The following ANKS1B variants were observed in gnomAD, a reference collection of about 807,000 sequenced individuals.
The protein encoded by ANKS1B is ankyrin repeat and sterile alpha motif domain containing 1B.
ANKS1B carries 36 observed loss-of-function variants against 148.3 expected under a neutral mutation model. The observed-to-expected ratio is 0.24, with a 90% confidence interval of 0.19 to 0.32. The LOEUF (loss-of-function observed/expected upper bound fraction) is 0.32, where lower values mean the gene tolerates loss of function less well. ANKS1B is among the 10% of genes least tolerant of loss of function. The probability of loss-of-function intolerance (pLI) is 1.00; values close to 1 mark genes in which losing one functional copy is unlikely to be tolerated. For missense variants in ANKS1B, 1,157 were observed against 1,542.6 expected (o/e 0.75, Z 4.19); for synonymous variants, 542 against 560.8 (o/e 0.97, Z 0.47).
intron 22 of ANKS1B, 100 bp from the exon 23 acceptor site, chr12:98,782,237 T>A: frequency 9.8e-7 from 1 of 1,016,452 alleles, no homozygotes; most frequent in Non-Finnish European, 1.5e-6. Context: ...ACCAACAGTG[T>A]AAATTCATTA....
chr12:98,779,032 C>T (rs2098708482), intron 24 of ANKS1B, among the ~76,000 whole-genome samples: 1 of 152,216 alleles, frequency 6.6e-6, no homozygotes, highest in Non-Finnish European at 1.5e-5. Context: ...GCTCCACTTG[C>T]CACCAACATA....
intron 12 of ANKS1B, among the ~76,000 whole-genome samples, chr12:99,338,668 G>A (rs933286228): frequency 6.6e-6 from 1 of 152,170 alleles, no homozygotes; most frequent in African/African-American, 2.4e-5. Flanking sequence ...AGTCTCACAA[G>A]GCACGTGGCA....
At chr12:99,615,158 G>T (rs1360364337) in intron 9 of ANKS1B, among the ~76,000 whole-genome samples, 1 of 151,574 alleles carries the variant, frequency 6.6e-6, no homozygotes, top group Non-Finnish European at 1.5e-5. Context: ...AGGTAGGTAG[G>T]TAGGCAGATA....
intron 2 of ANKS1B, among the ~76,000 whole-genome samples, chr12:99,817,728 T>C (rs1028789477): frequency 1.3e-5 from 2 of 151,854 alleles, no homozygotes; most frequent in Admixed American, 6.6e-5. Context: ...GAGATGATAC[T>C]GTGATTTTGA....
rs752498375 is a variant in ANKS1B at position 99,246,783 on chromosome 12, G to A, written c.1838C>T (p.Ser613Phe). 2.5e-6 allele frequency: 4 copies of A among 1,613,642 alleles called. No individual in the cohort carries two copies. The highest frequency in any genetic ancestry group is 3.4e-6 in the Non-Finnish European group (4 of 1,179,842). The part of the protein sequence containing the change: ...GQFAGLLHGS[S>F]PACESPENPF... The stretch of plus-strand genomic sequence containing the variant: ...ATTTTCAGGGGACTCACAGGCTGGA[G>A]AGGATCCATGGAGCAGGCCTGCAAA... Residue 613 changes from serine to phenylalanine, a missense_variant, in exon 13 of 27, where the codon TCT becomes TTT. Ser to Phe is a radical substitution (Grantham distance 155, BLOSUM62 -2). Transcript: ENST00000683438.
At chr12:99,786,844 A>AAC (rs1469581647) in intron 4 of ANKS1B, among the ~76,000 whole-genome samples, 2 of 152,238 alleles carry the variant, frequency 1.3e-5, no homozygotes. Flanking sequence ...ACTGAATGTG[A>AAC]AAGGAAGCAT....
Position 99,780,026 on chromosome 12 carries a change from G to T in ANKS1B, c.746-54C>A, listed in dbSNP as rs760231987. ...ATACACCACTGAAGTATCCTCAAAA[G>T]ATACTATCACTATCTAACTGCTGTA... is the stretch of plus-strand genomic sequence containing the variant. On this transcript the variant is annotated intron_variant, in intron 5 of 26. Transcript: ENST00000683438. 23 of 1,210,102 alleles carry T rather than the reference G, an allele frequency of 1.9e-5. No individual in the cohort carries two copies. In the Admixed American group the frequency reaches 4.2e-4, roughly 22 times the overall value. 75.0% of individuals were successfully genotyped at this position (1,210,102 alleles called of 1,614,324 possible). A position where few individuals can be genotyped will look rare whatever the true frequency, so the allele number is the denominator to read the frequency against.
chr12:99,283,962 T>C (rs535826138), intron 12 of ANKS1B, among the ~76,000 whole-genome samples: 1 of 152,290 alleles, frequency 6.6e-6, no homozygotes, highest in Non-Finnish European at 1.5e-5. Context: ...TGAATTAATA[T>C]CTGAATGGCT....
At chr12:99,011,798 T>C (rs2153412990) in intron 17 of ANKS1B, among the ~76,000 whole-genome samples, 1 of 152,340 alleles carries the variant, frequency 6.6e-6, no homozygotes, top group South Asian at 2.1e-4. Flanking sequence ...CAAATTGTGG[T>C]AGCACAGTCT....
intron 17 of ANKS1B, chr12:98,894,746 C>G: frequency 1.0e-6 from 1 of 985,626 alleles, no homozygotes; most frequent in Non-Finnish European, 1.2e-6. Context: ...CTCTGTGCAT[C>G]TTTCTGGGCG....
At chr12:99,479,859 A>C (rs1326713577) in intron 10 of ANKS1B, among the ~76,000 whole-genome samples, 2 of 151,874 alleles carry the variant, frequency 1.3e-5, no homozygotes, top group Non-Finnish European at 2.9e-5. Context: ...TGTATATTTC[A>C]AAATTGCTAA....
At chr12:99,210,971 G>A (rs1264390451) in intron 14 of ANKS1B, among the ~76,000 whole-genome samples, 2 of 152,142 alleles carry the variant, frequency 1.3e-5, no homozygotes, top group Non-Finnish European at 2.9e-5. Context: ...TTCAGTCGGT[G>A]TATAACACTA....
chr12:99,027,911 T>C (rs1568434153), intron 17 of ANKS1B, among the ~76,000 whole-genome samples: 1 of 152,248 alleles, frequency 6.6e-6, no homozygotes, highest in Admixed American at 6.5e-5. Context: ...TCATTTGTTA[T>C]GATTATTGCC....
At chr12:99,054,361 AT>A (rs1297948840) in intron 16 of ANKS1B, among the ~76,000 whole-genome samples, 2 of 152,208 alleles carry the variant, frequency 1.3e-5, no homozygotes, top group Non-Finnish European at 2.9e-5. Flanking sequence ...CAGAGAAAAG[AT>A]TAGTCTGGGA....
intron 25 of ANKS1B, among the ~76,000 whole-genome samples, chr12:98,754,709 A>C (rs1322719752): frequency 6.6e-6 from 1 of 152,250 alleles, no homozygotes; most frequent in Admixed American, 6.5e-5. Flanking sequence ...GAAAGTAAAA[A>C]GACCTTCATT....
chr12:99,801,769 C>T (rs766766952), intron 4 of ANKS1B, among the ~76,000 whole-genome samples: 12 of 152,062 alleles, frequency 7.9e-5, no homozygotes, highest in African/African-American at 1.2e-4. Flanking sequence ...AAATATTTGT[C>T]AGAGTTCCCA....
rs2098177425 is a variant in ANKS1B at position 99,632,740 on chromosome 12, T to TATATATATATATATATAC, written c.1272+22326_1272+22327insGTATATATATATATATAT. Among the ~76,000 whole-genome samples, 3 of 57,654 alleles carry TATATATATATATATATAC rather than the reference T, an allele frequency of 5.2e-5. No homozygotes were observed. The East Asian group carries it at 1.7e-3, about 33-fold the overall frequency. 37.8% of individuals were successfully genotyped at this position (57,654 alleles called of 152,430 possible). A position where few individuals can be genotyped will look rare whatever the true frequency, so the allele number is the denominator to read the frequency against. On this transcript the variant is annotated intron_variant, in intron 9 of 26. Coordinates refer to ENST00000683438, the MANE Select transcript of ANKS1B (RefSeq NM_001352186.2). ...TTCCTTTTCTTTCTATATATATATA[T>TATATATATATATATATAC]ATATATATATATATATATATATATA...
chr12:99,865,262 T>A (rs1000276250), intron 1 of ANKS1B, among the ~76,000 whole-genome samples: 1 of 152,244 alleles, frequency 6.6e-6, no homozygotes, highest in Non-Finnish European at 1.5e-5. Context: ...CTTTGCCATA[T>A]TATGTAAACA....
At chr12:99,785,589 C>G (rs915243709) in intron 4 of ANKS1B, among the ~76,000 whole-genome samples, 2 of 152,034 alleles carry the variant, frequency 1.3e-5, no homozygotes, top group Non-Finnish European at 2.9e-5. Flanking sequence ...TGCGCCACCA[C>G]GCCCAGCTAA....
Sources: allele counts gnomAD v4.1 joint callset (sites outside exome capture counted in the v4.1 genomes callset), GRCh38; gene constraint gnomAD v4.1.1; transcripts MANE v1.5; gene names NCBI Gene and HGNC (gene_info 2026-07-23, HGNC 2026-07-21).